Variants in SORCS3 observed in about 807,000 individuals in gnomAD.
SORCS3 encodes the protein VPS10 domain-containing receptor SorCS3.
SORCS3 carries 57 observed loss-of-function variants against 146.3 expected under a neutral mutation model. That is an observed-to-expected ratio of 0.39 (90% CI 0.31 to 0.49). SORCS3 has a LOEUF of 0.49. Among genes scored for constraint, SORCS3 ranks in the 20% least tolerant of loss-of-function variants. SORCS3 has a pLI of 0.92. For synonymous variants in SORCS3, 653 were observed against 618.5 expected (o/e 1.06, Z -0.83); for missense variants, 1,341 against 1,575.5 (o/e 0.85, Z 2.52).
chr10:104,832,632 C>G (rs143655337), intron 1 of SORCS3, among the ~76,000 whole-genome samples: 1 of 152,150 alleles, frequency 6.6e-6, no homozygotes, highest in Non-Finnish European at 1.5e-5. Flanking sequence ...GCAGGAGAAT[C>G]GTTTGAACCC....
rs758845919 is a variant in SORCS3, at chr10:104,643,709, G to GGGGTGTGT, written c.627+1756_627+1757insGGTGTGTG. Among the ~76,000 whole-genome samples, 564 of 144,730 alleles carry GGGGTGTGT rather than the reference G, an allele frequency of 3.9e-3. 4 individuals carry two copies. The highest frequency in any genetic ancestry group is 0.01 in the Middle Eastern group (3 of 288). 94.9% of individuals were successfully genotyped at this position (144,730 alleles called of 152,430 possible). A position where few individuals can be genotyped will look rare whatever the true frequency, so the allele number is the denominator to read the frequency against. ...AACTTCATTTTAGTTTGATAATTAG[G>GGGGTGTGT]GTGTGTGTGTGTGTGTGTGTGTGTG... On this transcript the variant is annotated intron_variant, in intron 1 of 26. Coordinates refer to ENST00000369701, the MANE Select transcript of SORCS3 (RefSeq NM_014978.3).
At chr10:104,735,392 A>G (rs141652182) in intron 1 of SORCS3, among the ~76,000 whole-genome samples, 2,202 of 137,360 alleles carry the variant, frequency 0.016, 54 homozygotes, top group African/African-American at 0.057. Context: ...CAGGACTTTC[A>G]TTATTTTTCA....
intron 7 of SORCS3, among the ~76,000 whole-genome samples, chr10:105,109,011 G>C (rs2055841479): frequency 6.6e-6 from 1 of 152,058 alleles, no homozygotes; most frequent in East Asian, 1.9e-4. Flanking sequence ...TATATGGTCT[G>C]TTTGCTTTCC....
chr10:104,906,393 G>A (rs2018905393), intron 2 of SORCS3, among the ~76,000 whole-genome samples: 1 of 152,186 alleles, frequency 6.6e-6, no homozygotes, highest in African/African-American at 2.4e-5. Flanking sequence ...GATGGCGTTA[G>A]CCTGTCCACT....
chr10:104,810,650 G>A (rs181430753), intron 1 of SORCS3, among the ~76,000 whole-genome samples: 1 of 152,268 alleles, frequency 6.6e-6, no homozygotes, highest in Non-Finnish European at 1.5e-5. Flanking sequence ...GCTGTACATA[G>A]TCTTAGAAGT....
Position 104,771,838 on chromosome 10 carries a change from A to T in SORCS3, c.628-70954A>T, listed in dbSNP as rs888529432. Among the ~76,000 whole-genome samples the T allele has an allele frequency of 2.7e-5, 4 of 150,812 alleles. No homozygotes were observed. The South Asian group carries it at 6.4e-4, about 24-fold the overall frequency. On this transcript the variant is annotated intron_variant, in intron 1 of 26. Coordinates refer to ENST00000369701, the MANE Select transcript of SORCS3 (RefSeq NM_014978.3). ...CAATGAGAAGGACGATGGGGGAGGGAAAGTGAGTTGACCAAGGCTGACTCC... is the reference window on the plus strand; with the variant it reads ...CAATGAGAAGGACGATGGGGGAGGGTAAGTGAGTTGACCAAGGCTGACTCC...
intron 4 of SORCS3, among the ~76,000 whole-genome samples, chr10:105,012,431 A>G (rs2055141202): frequency 6.6e-6 from 1 of 152,064 alleles, no homozygotes; most frequent in Middle Eastern, 3.2e-3. Context: ...TTCCTGGTGA[A>G]TGTTCTCTTG....
chr10:104,691,746 C>G (rs531559255), intron 1 of SORCS3, among the ~76,000 whole-genome samples: 3 of 151,902 alleles, frequency 2.0e-5, no homozygotes, highest in African/African-American at 7.3e-5. Context: ...TTCCTTTTTT[C>G]TTTTTGTTTT....
intron 7 of SORCS3, among the ~76,000 whole-genome samples, chr10:105,126,682 G>T (rs547596956): frequency 6.6e-6 from 1 of 152,230 alleles, no homozygotes; most frequent in African/African-American, 2.4e-5. Context: ...TTAAATTTCA[G>T]TTCAGCCCTC....
intron 2 of SORCS3, among the ~76,000 whole-genome samples, chr10:104,863,024 T>A (rs11192211): frequency 0.088 from 13,330 of 152,276 alleles, 779 homozygotes; most frequent in South Asian, 0.27. Context: ...CTCAATTATC[T>A]CATCAAATCC....
chr10:104,994,509 G>C (rs935148380), intron 4 of SORCS3, among the ~76,000 whole-genome samples: 1 of 152,108 alleles, frequency 6.6e-6, no homozygotes, highest in Admixed American at 6.6e-5. Flanking sequence ...ATTTTGATAT[G>C]AATACACCCA....
At chr10:104,710,249 C>T (rs1359752051) in intron 1 of SORCS3, among the ~76,000 whole-genome samples, 7 of 152,172 alleles carry the variant, frequency 4.6e-5, no homozygotes, top group Non-Finnish European at 8.8e-5. Flanking sequence ...CCCAGCTTAT[C>T]CTCCTGAGCT....
chr10:104,865,161 T>C (rs1311320356), intron 2 of SORCS3, among the ~76,000 whole-genome samples: 1 of 152,176 alleles, frequency 6.6e-6, no homozygotes, highest in African/African-American at 2.4e-5. Flanking sequence ...AGAGAAGGGA[T>C]TGTGTTTTTC....
At chr10:105,236,326 T>C (rs886826297) in intron 20 of SORCS3, among the ~76,000 whole-genome samples, 3 of 152,138 alleles carry the variant, frequency 2.0e-5, no homozygotes, top group Admixed American at 2.0e-4. Context: ...ATGCTTTAGC[T>C]GCACTACTAG....
At chr10:105,015,910 A>G (rs2055162647) in intron 4 of SORCS3, among the ~76,000 whole-genome samples, 1 of 150,560 alleles carries the variant, frequency 6.6e-6, no homozygotes, top group Admixed American at 6.6e-5. Flanking sequence ...TTATGTTTTT[A>G]GTAGAGATGG....
At chr10:104,829,968 G>A (rs1467544332) in intron 1 of SORCS3, among the ~76,000 whole-genome samples, 1 of 152,086 alleles carries the variant, frequency 6.6e-6, no homozygotes, top group East Asian at 1.9e-4. Context: ...ATGTGCCATG[G>A]TGGTTTGCTG....
chr10:105,116,422 G>A (rs1481346348), intron 7 of SORCS3, among the ~76,000 whole-genome samples: 1 of 152,210 alleles, frequency 6.6e-6, no homozygotes, highest in Non-Finnish European at 1.5e-5. Flanking sequence ...AAAGCTGGTG[G>A]ATCAGTGCTG....
chr10:105,060,449 T>G (rs1268085878), intron 5 of SORCS3, among the ~76,000 whole-genome samples: 2 of 152,160 alleles, frequency 1.3e-5, no homozygotes, highest in Non-Finnish European at 2.9e-5. Context: ...TTTAAAGGGT[T>G]CCACTCAGGG....
rs189243268 is a variant in SORCS3 at position 104,808,973 on chromosome 10, G to A, written c.628-33819G>A. 4.4e-4 allele frequency among the ~76,000 whole-genome samples: 67 copies of A among 152,284 alleles called. 1 individual carries two copies. The highest frequency in any genetic ancestry group is 3.3e-3 in the Admixed American group (51 of 15,288). ...ACGGCAAAATCAACCCATTGATTGC[G>A]TTGGCTATAGTAAAATGAGGGAGAA... On this transcript the variant is annotated intron_variant, in intron 1 of 26. Transcript: ENST00000369701.
Sources: allele counts gnomAD v4.1 joint callset (sites outside exome capture counted in the v4.1 genomes callset), GRCh38; gene constraint gnomAD v4.1.1; transcripts MANE v1.5; gene names NCBI Gene and HGNC (gene_info 2026-07-23, HGNC 2026-07-21).